Variants in GUF1 observed in about 807,000 individuals in gnomAD.
The protein encoded by GUF1 is GTP binding elongation factor GUF1, also known as translation factor GUF1, mitochondrial.
GUF1 carries 78 observed loss-of-function variants against 82.4 expected under a neutral mutation model. The observed-to-expected ratio is 0.95, with a 90% CI of 0.79 to 1.14. The LOEUF is 1.14. GUF1 is among the 50% of genes most tolerant of loss of function. GUF1 has a pLI of 0.00. For synonymous variants in GUF1, 279 were observed against 282.3 expected (o/e 0.99, Z 0.12); for missense variants, 814 against 798.2 (o/e 1.02, Z -0.24).
rs183678488 is a variant in GUF1 at position 44,689,181 on chromosome 4, T to G, written c.1079-105T>G. 3.3e-4 allele frequency: 336 copies of G among 1,007,096 alleles called. 2 individuals are homozygous for G. The African/African-American group carries it at 5.1e-3, about 15-fold the overall frequency. The allele number at this position is 1,007,096 out of a possible 1,614,324, so 62.4% of individuals were successfully genotyped here. A position where few individuals can be genotyped will look rare whatever the true frequency, so the allele number is the denominator to read the frequency against. ...GGTCAATAAAATACAAGAAAGTAAT[T>G]TAAAAGGTAAATGACTAATTTGGAA... is the stretch of plus-strand genomic sequence containing the variant. On this transcript the variant is annotated intron_variant, in intron 9 of 16. Coordinates refer to ENST00000281543, the MANE Select transcript of GUF1 (RefSeq NM_021927.3).
Position 44,685,958 on chromosome 4 carries a change from G to A in GUF1, c.670-1G>A, listed in dbSNP as rs778288607. The A allele has an allele frequency of 6.3e-7, 1 of 1,591,634 alleles. No individual in the cohort carries two copies. Among genetic ancestry groups the A allele is most frequent in the South Asian group, 1.1e-5 (1 of 90,530 alleles). On this transcript the variant is annotated splice_acceptor_variant, in intron 6 of 16. Coordinates refer to ENST00000281543, the MANE Select transcript of GUF1 (RefSeq NM_021927.3). LOFTEE classifies it high-confidence loss of function. Reference sequence around the variant, plus strand: ...TATATTTTTCACATGTATCTTTTTAGATTTCTGCTAAACTTGGAACAAATG... The same window carrying A: ...TATATTTTTCACATGTATCTTTTTAAATTTCTGCTAAACTTGGAACAAATG...
intron 1 of GUF1, among the ~76,000 whole-genome samples, chr4:44,679,070 C>A (rs1362174698): frequency 1.3e-5 from 2 of 152,178 alleles, no homozygotes; most frequent in African/African-American, 4.8e-5. Context: ...TGCGTTTATT[C>A]ATCTATTTAA....
In GUF1 at chr4:44,678,612, C is replaced by T. The variant is rs1714568342; in HGVS notation, c.-11C>T. The T allele has an allele frequency of 2.1e-6, 3 of 1,447,030 alleles. No individual in the cohort carries two copies. Among genetic ancestry groups the T allele is most frequent in the African/African-American group, 1.5e-5 (1 of 67,140 alleles). The allele number at this position is 1,447,030 out of a possible 1,614,324, so 89.6% of individuals were successfully genotyped here. On this transcript the variant is annotated 5_prime_UTR_variant, in exon 1 of 17. Coordinates refer to ENST00000281543, the MANE Select transcript of GUF1 (RefSeq NM_021927.3). ...TGGGTACCCTCTCCTGACGCCTCCG[C>T]CGCCCGGGTCATGTGGACCCTCGTG...
intron 2 of GUF1, 54 bp downstream of exon 2, chr4:44,680,606 C>T (rs916385164): frequency 4.2e-6 from 6 of 1,438,726 alleles, no homozygotes; most frequent in Non-Finnish European, 5.6e-6. Context: ...TTGGGAATTA[C>T]TTTTACTCTT....
chr4:44,692,678 A>T (rs1306205610), intron 13 of GUF1, among the ~76,000 whole-genome samples: 3 of 151,968 alleles, frequency 2.0e-5, no homozygotes, highest in Non-Finnish European at 2.9e-5. Context: ...GAGAGTTAGC[A>T]TATATAATTC....
chr4:44,686,472 T>C (rs1715055574), intron 7 of GUF1, 38 bp from the exon 8 acceptor site: 1 of 1,174,586 alleles, frequency 8.5e-7, no homozygotes, highest in East Asian at 2.7e-5. Flanking sequence ...GATTTTAATT[T>C]AGTGTATATA....
chr4:44,679,977 TTAAAA>T (rs1271282231), intron 1 of GUF1, among the ~76,000 whole-genome samples: 2 of 152,296 alleles, frequency 1.3e-5, no homozygotes, highest in East Asian at 3.9e-4. Flanking sequence ...AAAATTGTAT[TTAAAA>T]TAAAATTTTG....
At chr4:44,696,199 G>C (rs905950854) in intron 15 of GUF1, among the ~76,000 whole-genome samples, 1 of 152,112 alleles carries the variant, frequency 6.6e-6, no homozygotes, top group African/African-American at 2.4e-5. Flanking sequence ...CCAATACCAT[G>C]TTAGGATTTG....
chr4:44,695,836 T>G (rs988558700), intron 15 of GUF1, 102 bp downstream of exon 15: 29 of 1,179,402 alleles, frequency 2.5e-5, no homozygotes, highest in African/African-American at 7.7e-5. Context: ...GCCTAAGCTT[T>G]CTTACTTGTA....
chr4:44,694,995 T>C (rs1323046083), intron 14 of GUF1, among the ~76,000 whole-genome samples: 1 of 152,080 alleles, frequency 6.6e-6, no homozygotes, highest in African/African-American at 2.4e-5. Context: ...TTAGTAGAGA[T>C]GGGGTTTCAC....
At chr4:44,689,010 T>G (rs1038215430) in intron 9 of GUF1, among the ~76,000 whole-genome samples, 2 of 32,292 alleles carry the variant, frequency 6.2e-5, no homozygotes, top group Non-Finnish European at 1.2e-4. Flanking sequence ...AATTCCCATG[T>G]TTTTTTTTTT....
At position 44,686,043 on chromosome 4, in the gene GUF1, T is replaced by C. The variant is rs1330629296; in HGVS notation, c.734+20T>C. 3 of 1,510,194 alleles carry C rather than the reference T, an allele frequency of 2.0e-6. No homozygotes were observed. Among genetic ancestry groups the C allele is most frequent in the Non-Finnish European group, 2.8e-6 (3 of 1,086,934 alleles). The allele number at this position is 1,510,194 out of a possible 1,614,324, so 93.5% of individuals were successfully genotyped here. ...CCCCCCGTGAGTATTTGGTGATTTT[T>C]GTACTAGTTGTCTCTATTTAATAGT... On this transcript the variant is annotated intron_variant, in intron 7 of 16. Coordinates refer to ENST00000281543, the MANE Select transcript of GUF1 (RefSeq NM_021927.3).
chr4:44,689,539 G>C, intron 10 of GUF1, 130 bp downstream of exon 10: 1 of 1,047,988 alleles, frequency 9.5e-7, no homozygotes, highest in Non-Finnish European at 1.3e-6. Flanking sequence ...ATGGTGCATT[G>C]TTCTGGAACA....
At chr4:44,681,060 C>A in intron 3 of GUF1, 63 bp from the exon 4 acceptor site, 1 of 1,385,972 alleles carries the variant, frequency 7.2e-7, no homozygotes, top group South Asian at 1.2e-5. Flanking sequence ...AATAAATTTG[C>A]CATAATGCTC....
intron 1 of GUF1, among the ~76,000 whole-genome samples, chr4:44,679,825 ATG>A (rs1254545233): frequency 6.6e-6 from 1 of 152,216 alleles, no homozygotes; most frequent in African/African-American, 2.4e-5. Flanking sequence ...GCAATTTGTG[ATG>A]TGTTTCAGTA....
intron 13 of GUF1, 26 bp from the exon 14 acceptor site, chr4:44,694,386 T>A (rs1225954302): frequency 7.2e-7 from 1 of 1,381,128 alleles, no homozygotes; most frequent in South Asian, 1.2e-5. Context: ...GTGTAATATT[T>A]ATCACTTGGA....
In GUF1 at chr4:44,686,401, G is replaced by A. The variant is rs372367086; in HGVS notation, c.735-109G>A. The A allele has an allele frequency of 6.7e-6, 4 of 600,878 alleles. No homozygotes were observed. The African/African-American group carries it at 7.5e-5, about 11-fold the overall frequency. The allele number at this position is 600,878 out of a possible 1,614,324, so 37.2% of individuals were successfully genotyped here. A position where few individuals can be genotyped will look rare whatever the true frequency, so the allele number is the denominator to read the frequency against. On this transcript the variant is annotated intron_variant, in intron 7 of 16. Transcript: ENST00000281543. ...AAGGTCTTTTTATTTAGGCTGTTGT[G>A]TATCAAACTTTCTCAAGAACTCAAG... is the stretch of plus-strand genomic sequence containing the variant.
At chr4:44,691,563 TAA>T in intron 12 of GUF1, 101 bp from the exon 13 acceptor site, 1 of 814,390 alleles carries the variant, frequency 1.2e-6, no homozygotes, top group South Asian at 1.7e-5. Context: ...CTCTGGATTA[TAA>T]ATACTGCCTA....
rs750919642 is a variant in GUF1 at position 44,686,668 on chromosome 4, A to G, written c.893A>G (p.Asn298Ser). The G allele has an allele frequency of 3.7e-6, 6 of 1,611,744 alleles. No homozygotes were observed. The highest frequency in any genetic ancestry group is 2.7e-5 in the African/African-American group (2 of 74,792). ...SAHTQKTYEVNEVGVLNPNEQ... is the reference protein window; with the variant it reads ...SAHTQKTYEVSEVGVLNPNEQ... ...CATACTCAAAAGACATACGAAGTTA[A>G]TGAAGTAGGAGTCTTGAATCCTAAT... The change falls in exon 8 of 17, where the codon AAT becomes AGT. Residue 298 changes from asparagine (N) to serine (S), a missense_variant. Transcript: ENST00000281543.
Sources: gnomAD v4.1 joint callset for allele counts (sites outside exome capture counted in the v4.1 genomes callset) on GRCh38, gnomAD v4.1.1 for gene constraint, MANE v1.5 for transcripts, NCBI Gene and HGNC (gene_info 2026-07-23, HGNC 2026-07-21) for gene names.